The following NFX1 variants were observed in gnomAD, a reference collection of about 807,000 sequenced individuals.
The protein encoded by NFX1 is transcriptional repressor NF-X1.
Under a neutral mutation model 137.2 loss-of-function variants are expected in NFX1, and 69 were observed. That is an observed-to-expected ratio of 0.50 (90% CI 0.41 to 0.61). The LOEUF is 0.61. Ranked by LOEUF, NFX1 falls within the 20% of genes least tolerant of loss-of-function variation. NFX1 has a pLI of 0.00. For missense variants in NFX1, 1,167 were observed against 1,391.0 expected, an observed-to-expected ratio of 0.84 and a Z score of 2.56; for synonymous variants, 495 against 474.1, an observed-to-expected ratio of 1.04 and a Z score of -0.57.
intron 4 of NFX1, 106 bp downstream of exon 4, chr9:33,303,374 C>T: frequency 1.1e-6 from 1 of 918,156 alleles, no homozygotes; most frequent in Admixed American, 1.8e-5. Flanking sequence ...AATGAGACTT[C>T]AAAGCTCTAG....
chr9:33,344,034 A>G (rs1276831265), intron 13 of NFX1, 35 bp from the exon 14 acceptor site: 5 of 1,613,084 alleles, frequency 3.1e-6, no homozygotes, highest in Admixed American at 1.7e-5. Context: ...CCAAACTCAG[A>G]AAGGATTCTT....
At chr9:33,318,590 A>G (rs3849903) in intron 7 of NFX1, 141 bp from the exon 8 acceptor site, 502,765 of 709,256 alleles carry the variant, frequency 0.71, 188,290 homozygotes, top group Non-Finnish European at 0.77. Context: ...AGGTCTGATC[A>G]GTACTCTATT....
At chr9:33,300,104 C>T (rs1821500899) in intron 2 of NFX1, among the ~76,000 whole-genome samples, 1 of 120,568 alleles carries the variant, frequency 8.3e-6, no homozygotes. Context: ...GACGGAGTCT[C>T]ACTCTGGAGT....
At position 33,319,068 on chromosome 9, in the gene NFX1, T is replaced by C. The variant is rs1012903292; in HGVS notation, c.1847T>C (p.Met616Thr). 3 of 1,614,124 alleles carry C rather than the reference T, an allele frequency of 1.9e-6. No homozygotes were observed. Among genetic ancestry groups the C allele is most frequent in the African/African-American group, 2.7e-5 (2 of 74,940 alleles). ...GGAAGTAGTAGTCGGAAAACATGCA[T>C]GGACCCTGTGCCTTCATGTGGAAAA... ...ELGSSSRKTCMDPVPSCGKVC... is the reference protein window; with the variant it reads ...ELGSSSRKTCTDPVPSCGKVC... Residue 616 changes from methionine (M) to threonine (T), a missense_variant, in exon 9 of 24, where the codon ATG (methionine) becomes ACG (threonine). By Grantham distance (81) the Met-to-Thr change is moderately conservative. Coordinates refer to ENST00000379540, the MANE Select transcript of NFX1 (RefSeq NM_002504.6).
intron 2 of NFX1, among the ~76,000 whole-genome samples, chr9:33,298,794 ATAT>A (rs1341536562): frequency 3.3e-5 from 5 of 151,936 alleles, no homozygotes; most frequent in Admixed American, 6.5e-5. Context: ...AAAAAAAAAA[ATAT>A]TATTAAGCTG....
chr9:33,343,944 G>A lies in NFX1; in HGVS notation c.2225-125G>A, dbSNP rs563735563. 83 of 1,251,300 alleles carry A rather than the reference G, an allele frequency of 6.6e-5. No individual in the cohort carries two copies. In the African/African-American group the frequency reaches 1.1e-3, roughly 17 times the overall value. 77.5% of individuals were successfully genotyped at this position (1,251,300 alleles called of 1,614,324 possible). A position where few individuals can be genotyped will look rare whatever the true frequency, so the allele number is the denominator to read the frequency against. ...AAAATAAAAACCTCTTTTGAAAAAA[G>A]TAGCACCCCCATAAATTCTCCTCTA... On this transcript the variant is annotated intron_variant, in intron 13 of 23. Transcript: ENST00000379540.
intron 12 of NFX1, among the ~76,000 whole-genome samples, chr9:33,340,401 G>A (rs1023814497): frequency 6.6e-6 from 1 of 152,188 alleles, no homozygotes; most frequent in African/African-American, 2.4e-5. Context: ...ACCAAGTCCC[G>A]AGGCTGCATG....
At position 33,307,989 on chromosome 9, in the gene NFX1, G is replaced by A. The variant is rs115523120; in HGVS notation, c.1376+690G>A. 6.1e-3 allele frequency among the ~76,000 whole-genome samples: 928 copies of A among 151,730 alleles called. 13 individuals are homozygous for A. The highest frequency in any genetic ancestry group is 0.021 in the African/African-American group (860 of 41,388). On this transcript the variant is annotated intron_variant, in intron 5 of 23. Coordinates refer to ENST00000379540, the MANE Select transcript of NFX1 (RefSeq NM_002504.6). ...TGGCTAATTTTTGTATGTTTTGGTA[G>A]AAATGGGGTTTTGCCGTGTTGCCCA...
intron 9 of NFX1, among the ~76,000 whole-genome samples, chr9:33,320,797 G>C (rs1328687710): frequency 6.6e-6 from 1 of 152,218 alleles, no homozygotes; most frequent in Non-Finnish European, 1.5e-5. Context: ...CATGTATCTT[G>C]TGAGGTAAAG....
Position 33,294,822 on chromosome 9 carries a change from G to A in NFX1, c.428G>A (p.Gly143Glu), listed in dbSNP as rs890760804. The A allele has an allele frequency of 4.0e-5, 64 of 1,613,954 alleles. No individual in the cohort carries two copies. The highest frequency in any genetic ancestry group is 5.3e-5 in the Non-Finnish European group (62 of 1,180,040). ...GAGAGCTCGACCAGATCAGAGAGTGGGACAGACCTCAGAGAGCATAGTCCT... is the reference window on the plus strand; with the variant it reads ...GAGAGCTCGACCAGATCAGAGAGTGAGACAGACCTCAGAGAGCATAGTCCT... ...GLESSTRSES[G>E]TDLREHSPSE... is the part of the protein sequence containing the mutation. Residue 143 changes from glycine (G) to glutamate (E), a missense_variant, in exon 2 of 24, where the codon GGG becomes GAG. Physicochemically the swap from Gly to Glu is moderately conservative, Grantham distance 98. Coordinates refer to ENST00000379540, the MANE Select transcript of NFX1 (RefSeq NM_002504.6).
At chr9:33,358,868 G>GTT (rs987213942) in intron 19 of NFX1, among the ~76,000 whole-genome samples, 2 of 142,138 alleles carry the variant, frequency 1.4e-5, no homozygotes, top group South Asian at 2.3e-4. Context: ...TAATTTTTTT[G>GTT]TTTTTTTTTT....
At chr9:33,362,768 A>G (rs1172432409) in intron 19 of NFX1, among the ~76,000 whole-genome samples, 1 of 127,372 alleles carries the variant, frequency 7.9e-6, no homozygotes. Flanking sequence ...CAATGGCGCT[A>G]TCTCAGCTCA....
chr9:33,309,863 A>G (rs1462292411), intron 5 of NFX1, among the ~76,000 whole-genome samples: 5 of 152,228 alleles, frequency 3.3e-5, no homozygotes, highest in African/African-American at 1.2e-4. Flanking sequence ...CCTCTGGTCT[A>G]AAAGTTAAGA....
intron 9 of NFX1, 107 bp downstream of exon 9, chr9:33,319,234 T>A: frequency 1.1e-6 from 1 of 893,596 alleles, no homozygotes; most frequent in Non-Finnish European, 1.7e-6. Flanking sequence ...TATCAGAGGT[T>A]TCTAAATATT....
At chr9:33,306,662 A>G (rs1821761935) in intron 4 of NFX1, among the ~76,000 whole-genome samples, 1 of 152,192 alleles carries the variant, frequency 6.6e-6, no homozygotes, top group African/African-American at 2.4e-5. Context: ...AGTCCATGGA[A>G]GATGTGCCAT....
intron 2 of NFX1, among the ~76,000 whole-genome samples, chr9:33,297,076 C>A (rs568059563): frequency 1.3e-5 from 2 of 152,278 alleles, no homozygotes; most frequent in African/African-American, 2.4e-5. Flanking sequence ...CAAGTTTTAT[C>A]CTCCGGAGCA....
chr9:33,364,123 A>G lies in NFX1; in HGVS notation c.2972+15A>G, dbSNP rs377172307. ...GAAGATGCCAGGTATGTAACTTGTT[A>G]CCTGCTTTCTTAATTGTGGCTTGTC... On this transcript the variant is annotated intron_variant, in intron 20 of 23. Coordinates refer to ENST00000379540, the MANE Select transcript of NFX1 (RefSeq NM_002504.6). The G allele has an allele frequency of 6.4e-7, 1 of 1,573,018 alleles. No individual in the cohort carries two copies. Among genetic ancestry groups the G allele is most frequent in the Non-Finnish European group, 8.7e-7 (1 of 1,154,246 alleles).
intron 20 of NFX1, 29 bp from the exon 21 acceptor site, chr9:33,364,679 C>G: frequency 6.2e-7 from 1 of 1,605,620 alleles, no homozygotes; most frequent in Non-Finnish European, 8.5e-7. Context: ...CAGGGACAGA[C>G]AAAATTAACT....
intron 6 of NFX1, among the ~76,000 whole-genome samples, chr9:33,311,895 A>C (rs892377057): frequency 1.3e-5 from 2 of 152,192 alleles, no homozygotes; most frequent in African/African-American, 4.8e-5. Context: ...TGACAGAACC[A>C]GGAGTTGAAC....
Sources: allele counts gnomAD v4.1 joint callset (sites outside exome capture counted in the v4.1 genomes callset), GRCh38; gene constraint gnomAD v4.1.1; transcripts MANE v1.5; gene names NCBI Gene and HGNC (gene_info 2026-07-23, HGNC 2026-07-21).